Variants in KCNE1 observed in about 807,000 individuals in gnomAD.
KCNE1 encodes potassium voltage-gated channel subfamily E regulatory subunit 1, also known as potassium voltage-gated channel subfamily E member 1.
KCNE1 carries 1 observed loss-of-function variant against 2.9 expected under a neutral mutation model. That is an observed-to-expected ratio of 0.34 (90% CI 0.12 to 1.62). The LOEUF (loss-of-function observed/expected upper bound fraction) is 1.62, where lower values mean the gene tolerates loss of function less well. KCNE1 is among the 40% of genes most tolerant of loss of function. The pLI is 0.36. For missense variants in KCNE1, 45 were observed against 150.5 expected, an observed-to-expected ratio of 0.30 and a Z score of 3.67; for synonymous variants, 23 against 65.4, an observed-to-expected ratio of 0.35 and a Z score of 3.13.
chr21:34,505,076 C>T (rs894954936), intron 2 of KCNE1, among the ~76,000 whole-genome samples: 5 of 152,276 alleles, frequency 3.3e-5, no homozygotes, highest in East Asian at 1.9e-4. Context: ...CAAGTTATAT[C>T]TCAGTTAAGG....
chr21:34,449,346 C>A lies in KCNE1; in HGVS notation c.289G>T (p.Ala97Ser), dbSNP rs762348330. Residue 97 changes from alanine to serine, a missense_variant, in exon 4 of 4, where the codon GCC becomes TCC. Coordinates refer to ENST00000399286, the MANE Select transcript of KCNE1 (RefSeq NM_000219.6). ...WQEKDKAYVQARVLESYRSCY... is the reference protein window; with the variant it reads ...WQEKDKAYVQSRVLESYRSCY... Reference sequence around the variant, plus strand: ...GACCTGTAGCTCTCCAGGACCCGGGCCTGGACATAGGCCTTGTCCTTCTCT... The same window carrying A: ...GACCTGTAGCTCTCCAGGACCCGGGACTGGACATAGGCCTTGTCCTTCTCT... The A allele has an allele frequency of 1.3e-6, 2 of 1,592,494 alleles. No individual in the cohort carries two copies. Among genetic ancestry groups the A allele is most frequent in the South Asian group, 2.2e-5 (2 of 90,386 alleles).
chr21:34,505,417 G>A (rs1023626455), intron 2 of KCNE1, among the ~76,000 whole-genome samples: 6 of 151,966 alleles, frequency 3.9e-5, no homozygotes, highest in African/African-American at 9.7e-5. Context: ...TTACAGGCGC[G>A]AGCCACCACG....
chr21:34,507,930 C>T (rs977390865), intron 2 of KCNE1, among the ~76,000 whole-genome samples: 6 of 152,168 alleles, frequency 3.9e-5, no homozygotes, highest in Non-Finnish European at 5.9e-5. Context: ...AGGTTAGCTG[C>T]TTTGTTTCAT....
At chr21:34,505,301 T>C (rs375803899) in intron 2 of KCNE1, among the ~76,000 whole-genome samples, 8 of 152,100 alleles carry the variant, frequency 5.3e-5, no homozygotes, top group African/African-American at 1.7e-4. Flanking sequence ...ACCCGACTAA[T>C]CTTTTGTATT....
At chr21:34,499,063 G>A (rs150016269) in intron 2 of KCNE1, among the ~76,000 whole-genome samples, 2 of 152,316 alleles carry the variant, frequency 1.3e-5, no homozygotes, top group South Asian at 4.1e-4. Flanking sequence ...CTTGAGCAAG[G>A]CTTGCCACAG....
At chr21:34,496,980 C>T (rs142967779) in intron 2 of KCNE1, among the ~76,000 whole-genome samples, 1,591 of 152,232 alleles carry the variant, frequency 0.01, 13 homozygotes, top group Middle Eastern at 0.02. Context: ...AGAATAGCTA[C>T]TCCTGCTTGC....
At chr21:34,501,915 C>G (rs751499233) in intron 2 of KCNE1, among the ~76,000 whole-genome samples, 5 of 152,326 alleles carry the variant, frequency 3.3e-5, no homozygotes, top group East Asian at 1.9e-4. Context: ...ACAATGTGCA[C>G]CATTGTCTGT....
rs1982787085 is a variant in KCNE1 at position 34,496,060 on chromosome 21, AG to A, written c.-162+15040del. On this transcript the variant is annotated intron_variant, in intron 2 of 3. Coordinates refer to ENST00000399286, the MANE Select transcript of KCNE1 (RefSeq NM_000219.6). ...TAGCACTGCTTTTTCTGTATCCCAG[AG>A]GTTCAGCTCAAATACTTTTTTTTTT... is the stretch of plus-strand genomic sequence containing the variant. 1.3e-5 allele frequency among the ~76,000 whole-genome samples: 2 copies of A among 151,688 alleles called. 1 individual carries two copies. The highest frequency in any genetic ancestry group is 4.2e-4 in the South Asian group (2 of 4,802).
rs200276112 is a variant in KCNE1 at position 34,495,510 on chromosome 21, CT to C, written c.-162+15590del. Among the ~76,000 whole-genome samples, 701 of 71,318 alleles carry C rather than the reference CT, an allele frequency of 9.8e-3. 26 individuals are homozygous for C. The East Asian group carries it at 0.1, about 10-fold the overall frequency. 46.8% of individuals were successfully genotyped at this position (71,318 alleles called of 152,430 possible). A position where few individuals can be genotyped will look rare whatever the true frequency, so the allele number is the denominator to read the frequency against. Reference sequence around the variant, plus strand: ...AGCTGTGAATCCATCTGGTCCTGGACTTTTTTTTTTGTTGGGAATTTTTGTA... The same window carrying C: ...AGCTGTGAATCCATCTGGTCCTGGACTTTTTTTTTGTTGGGAATTTTTGTA... On this transcript the variant is annotated intron_variant, in intron 2 of 3. Transcript: ENST00000399286.
At chr21:34,508,251 C>A in intron 2 of KCNE1, among the ~76,000 whole-genome samples, 1 of 151,396 alleles carries the variant, frequency 6.6e-6, no homozygotes, top group Non-Finnish European at 1.5e-5. Flanking sequence ...TGGTCTCCAA[C>A]TCCTGGGCTC....
rs1056979071 is a variant in KCNE1, at chr21:34,502,448, C to T, written c.-162+8653G>A. ...AGCTTTTTAGTTTCTCACCTTCTGACACCAATCAGGAATAAAAGCCAAAAC... is the reference window on the plus strand; with the variant it reads ...AGCTTTTTAGTTTCTCACCTTCTGATACCAATCAGGAATAAAAGCCAAAAC... On this transcript the variant is annotated intron_variant, in intron 2 of 3. Transcript: ENST00000399286. 3.3e-5 allele frequency among the ~76,000 whole-genome samples: 5 copies of T among 152,346 alleles called. No individual in the cohort carries two copies. The East Asian group carries it at 5.8e-4, about 18-fold the overall frequency.
At chr21:34,497,494 G>A (rs1273062770) in intron 2 of KCNE1, among the ~76,000 whole-genome samples, 1 of 152,142 alleles carries the variant, frequency 6.6e-6, no homozygotes, top group East Asian at 1.9e-4. Context: ...TGTTTGAGGA[G>A]GCTAAAGATA....
rs942462801 is a variant in KCNE1 at position 34,450,071 on chromosome 21, G to A, written c.-50-387C>T. Among the ~76,000 whole-genome samples, 68 of 93,236 alleles carry A rather than the reference G, an allele frequency of 7.3e-4. 16 individuals carry two copies. Among genetic ancestry groups the A allele is most frequent in the East Asian group, 7.9e-4 (2 of 2,530 alleles). The allele number at this position is 93,236 out of a possible 152,430, so 61.2% of individuals were successfully genotyped here. On this transcript the variant is annotated intron_variant, in intron 3 of 3. Transcript: ENST00000399286. The stretch of plus-strand genomic sequence containing the variant: ...GACTGTGCTTTTGTGGCTCACTTGC[G>A]GTGCTGGGTGTGTGCATTCCCTTGC...
chr21:34,501,620 A>G (rs1361568979), intron 2 of KCNE1, among the ~76,000 whole-genome samples: 1 of 152,152 alleles, frequency 6.6e-6, no homozygotes, highest in Non-Finnish European at 1.5e-5. Flanking sequence ...GAAGGTTTAT[A>G]GTTTTTGGGT....
chr21:34,507,203 A>G (rs1000272823), intron 2 of KCNE1, among the ~76,000 whole-genome samples: 1 of 152,088 alleles, frequency 6.6e-6, no homozygotes, highest in Non-Finnish European at 1.5e-5. Context: ...ATGGGGGCTG[A>G]ATTAAGAGAA....
chr21:34,508,033 C>CTT (rs552851295), intron 2 of KCNE1, among the ~76,000 whole-genome samples: 1 of 146,366 alleles, frequency 6.8e-6, no homozygotes, highest in Non-Finnish European at 1.5e-5. Flanking sequence ...CTGTTGGGTT[C>CTT]TTTTTTTTTT....
At chr21:34,507,125 A>C (rs781075654) in intron 2 of KCNE1, among the ~76,000 whole-genome samples, 1 of 152,218 alleles carries the variant, frequency 6.6e-6, no homozygotes, top group Non-Finnish European at 1.5e-5. Flanking sequence ...GATGCTTTCA[A>C]AAGCTCGCTC....
At chr21:34,499,155 T>A (rs986074186) in intron 2 of KCNE1, among the ~76,000 whole-genome samples, 1 of 152,156 alleles carries the variant, frequency 6.6e-6, no homozygotes, top group African/African-American at 2.4e-5. Flanking sequence ...TGTTGCATTA[T>A]ATAGGTCACC....
At chr21:34,511,339 G>A in intron 1 of KCNE1, 24 bp from the exon 2 acceptor site, 1 of 984,452 alleles carries the variant, frequency 1.0e-6, no homozygotes, top group Non-Finnish European at 1.2e-6. Flanking sequence ...AAAGCCAGCT[G>A]GAAACTTAAT....
Sources: allele counts gnomAD v4.1 joint callset (sites outside exome capture counted in the v4.1 genomes callset), GRCh38; gene constraint gnomAD v4.1.1; transcripts MANE v1.5; gene names NCBI Gene and HGNC (gene_info 2026-07-23, HGNC 2026-07-21).